ASIC2: variants seen among roughly 807,000 people sequenced by gnomAD.
ASIC2 encodes the protein acid-sensing ion channel 2.
A neutral mutation model predicts 57.3 loss-of-function variants in ASIC2; 25 were observed. The observed-to-expected ratio is 0.44, with a 90% CI of 0.32 to 0.61. ASIC2 has a LOEUF of 0.61. Ranked by LOEUF, ASIC2 falls within the 20% of genes least tolerant of loss-of-function variation. The probability of loss-of-function intolerance (pLI) is 0.06; values close to 1 mark genes in which losing one functional copy is unlikely to be tolerated. For synonymous variants in ASIC2, 319 were observed against 307.5 expected, an observed-to-expected ratio of 1.04 and a Z score of -0.39; for missense variants, 641 against 738.1, an observed-to-expected ratio of 0.87 and a Z score of 1.52.
chr17:33,731,409 T>C (rs945342557), intron 1 of ASIC2, among the ~76,000 whole-genome samples: 2 of 152,016 alleles, frequency 1.3e-5, no homozygotes, highest in East Asian at 3.9e-4. Flanking sequence ...GCAGAAAAGG[T>C]AGAAAAACAG....
chr17:33,159,066 T>C (rs953972678), intron 1 of ASIC2, among the ~76,000 whole-genome samples: 10 of 152,228 alleles, frequency 6.6e-5, no homozygotes, highest in African/African-American at 1.9e-4. Flanking sequence ...AGCGAGAGCA[T>C]TGGCAGTGTT....
chr17:34,064,580 A>G (rs1211271359), intron 1 of ASIC2, among the ~76,000 whole-genome samples: 1 of 152,238 alleles, frequency 6.6e-6, no homozygotes, highest in African/African-American at 2.4e-5. Flanking sequence ...CAGTCTGGAG[A>G]GTAAACAGGC....
intron 1 of ASIC2, among the ~76,000 whole-genome samples, chr17:33,613,326 G>A (rs1191527410): frequency 1.3e-5 from 2 of 150,610 alleles, no homozygotes; most frequent in Non-Finnish European, 2.9e-5. Flanking sequence ...AACAGTGTGT[G>A]AACCGTTCCT....
intron 1 of ASIC2, among the ~76,000 whole-genome samples, chr17:33,563,468 C>T (rs1012871490): frequency 2.0e-5 from 3 of 152,190 alleles, no homozygotes; most frequent in Admixed American, 6.5e-5. Flanking sequence ...AAATGTATAG[C>T]TCTACCTCCT....
intron 1 of ASIC2, among the ~76,000 whole-genome samples, chr17:33,583,897 A>T (rs552332761): frequency 6.6e-6 from 1 of 152,140 alleles, no homozygotes; most frequent in Non-Finnish European, 1.5e-5. Context: ...ATGAGATGTC[A>T]TCCTGGGGCT....
chr17:33,405,487 C>CTTTTTTTTTTTT (rs35049672), intron 1 of ASIC2, among the ~76,000 whole-genome samples: 1 of 135,302 alleles, frequency 7.4e-6, no homozygotes. Flanking sequence ...TTTTTTCTTT[C>CTTTTTTTTTTTT]TTTTTTTTTT....
intron 1 of ASIC2, among the ~76,000 whole-genome samples, chr17:33,167,307 T>G (rs1905341783): frequency 6.6e-6 from 1 of 152,194 alleles, no homozygotes; most frequent in Non-Finnish European, 1.5e-5. Context: ...CCTGAGGCAG[T>G]TGGGACTCCT....
intron 1 of ASIC2, among the ~76,000 whole-genome samples, chr17:33,239,346 A>ATG (rs1908418569): frequency 6.6e-6 from 1 of 152,212 alleles, no homozygotes; most frequent in African/African-American, 2.4e-5. Context: ...CCTGATTAAA[A>ATG]TTGTAATCCC....
chr17:33,794,538 GAGA>G (rs1342685490), intron 1 of ASIC2: 1 of 152,178 alleles, frequency 6.6e-6, no homozygotes, highest in African/African-American at 2.4e-5. Context: ...GGGGGTTGTA[GAGA>G]AGGAGGTATG....
chr17:33,804,149 A>C (rs1478867431), intron 1 of ASIC2, among the ~76,000 whole-genome samples: 1 of 152,186 alleles, frequency 6.6e-6, no homozygotes, highest in African/African-American at 2.4e-5. Flanking sequence ...CTAAGATCTA[A>C]ATAAACAAAT....
intron 1 of ASIC2, among the ~76,000 whole-genome samples, chr17:33,122,838 G>T (rs980767190): frequency 6.6e-6 from 1 of 152,024 alleles, no homozygotes; most frequent in South Asian, 2.1e-4. Flanking sequence ...CCCCTGCACT[G>T]CCCCAGCCTC....
intron 1 of ASIC2, among the ~76,000 whole-genome samples, chr17:34,106,873 A>AATT (rs1911080297): frequency 6.6e-6 from 1 of 152,200 alleles, no homozygotes; most frequent in East Asian, 1.9e-4. Context: ...AAATGGTAGT[A>AATT]GAGACAAAAT....
intron 1 of ASIC2, among the ~76,000 whole-genome samples, chr17:33,233,842 A>G (rs1339622718): frequency 6.6e-6 from 1 of 152,220 alleles, no homozygotes; most frequent in Non-Finnish European, 1.5e-5. Flanking sequence ...TATTTTATGA[A>G]GCAGATTGTC....
At chr17:33,211,378 C>T (rs775083514) in intron 1 of ASIC2, among the ~76,000 whole-genome samples, 12 of 152,036 alleles carry the variant, frequency 7.9e-5, no homozygotes, top group Non-Finnish European at 1.8e-4. Context: ...GAAATGGGCA[C>T]TCAGGACTCC....
At chr17:34,040,464 T>TGG (rs1410986521) in intron 1 of ASIC2, among the ~76,000 whole-genome samples, 832 of 29,584 alleles carry the variant, frequency 0.028, 11 homozygotes, top group African/African-American at 0.073. Flanking sequence ...ACGAGGAAGG[T>TGG]GGGGGGGGTC....
chr17:33,606,543 C>G (rs34457990), intron 1 of ASIC2, among the ~76,000 whole-genome samples: 1 of 152,154 alleles, frequency 6.6e-6, no homozygotes, highest in Non-Finnish European at 1.5e-5. Flanking sequence ...CAACCTACCA[C>G]CTTGGAACTG....
chr17:33,420,218 A>C (rs1910998328), intron 1 of ASIC2, among the ~76,000 whole-genome samples: 1 of 152,212 alleles, frequency 6.6e-6, no homozygotes, highest in Admixed American at 6.5e-5. Flanking sequence ...TGTTTGCAGG[A>C]TATTCTGTTA....
intron 1 of ASIC2, among the ~76,000 whole-genome samples, chr17:33,865,075 G>A (rs1413432767): frequency 6.6e-6 from 1 of 152,222 alleles, no homozygotes; most frequent in East Asian, 1.9e-4. Flanking sequence ...GGGTGGAGGA[G>A]CCTTTCCAAC....
chr17:33,867,245 C>T (rs1207626462), intron 1 of ASIC2, among the ~76,000 whole-genome samples: 1 of 144,476 alleles, frequency 6.9e-6, no homozygotes, highest in Middle Eastern at 3.2e-3. Flanking sequence ...GATTTTCAGG[C>T]TGGCTGAAGT....
Sources: allele counts gnomAD v4.1 joint callset (sites outside exome capture counted in the v4.1 genomes callset), GRCh38; gene constraint gnomAD v4.1.1; transcripts MANE v1.5; gene names NCBI Gene and HGNC (gene_info 2026-07-23, HGNC 2026-07-21).